FBN1: variants seen among roughly 807,000 people sequenced by gnomAD.
FBN1 encodes the protein fibrillin 1.
In FBN1, 29 loss-of-function variants were observed where a neutral mutation model predicts 365.1. The ratio of observed to expected loss-of-function variants is 0.08; its 90% CI spans 0.06 to 0.11. FBN1 has a LOEUF of 0.11. FBN1 is among the 10% of genes least tolerant of loss of function. The probability of loss-of-function intolerance (pLI) is 1.00; values close to 1 mark genes in which losing one functional copy is unlikely to be tolerated. For missense variants in FBN1, 2,476 were observed against 3,703.2 expected, an observed-to-expected ratio of 0.67 and a Z score of 8.60; for synonymous variants, 1,210 against 1,270.5, an observed-to-expected ratio of 0.95 and a Z score of 1.01.
intron 9 of FBN1, among the ~76,000 whole-genome samples, chr15:48,522,659 T>C (rs1022258025): frequency 6.6e-6 from 1 of 152,192 alleles, no homozygotes; most frequent in Non-Finnish European, 1.5e-5. Flanking sequence ...CCTCATGTCT[T>C]GAGGTTTCAA....
rs145082616 is a variant in FBN1 at position 48,448,836 on chromosome 15, G to A, written c.5603C>T (p.Thr1868Ile). The change falls in exon 46 of 66, where the codon ACA becomes ATA. Residue 1868 changes from threonine to isoleucine, a missense_variant. Coordinates refer to ENST00000316623, the MANE Select transcript of FBN1 (RefSeq NM_000138.5). The stretch of plus-strand genomic sequence containing the variant: ...GCAAAGGCAATAAAAGCTTCCAACT[G>A]TGTCAATGCACTGCCCATGACTGCA... Reference protein sequence around the residue: ...NICSHGQCIDTVGSFYCLCHT... With the variant: ...NICSHGQCIDIVGSFYCLCHT... The A allele has an allele frequency of 3.7e-6, 6 of 1,612,176 alleles. No individual in the cohort carries two copies. In the African/African-American group the frequency reaches 6.7e-5, roughly 18 times the overall value.
chr15:48,470,169 A>T (rs573204795), intron 36 of FBN1, among the ~76,000 whole-genome samples: 1 of 152,222 alleles, frequency 6.6e-6, no homozygotes, highest in African/African-American at 2.4e-5. Context: ...AATGATTTAT[A>T]CACTAGAGAT....
At chr15:48,569,216 A>G (rs2140669000) in intron 6 of FBN1, among the ~76,000 whole-genome samples, 1 of 152,246 alleles carries the variant, frequency 6.6e-6, no homozygotes, top group East Asian at 1.9e-4. Flanking sequence ...TAGGCACATG[A>G]AAAGATGTTC....
intron 2 of FBN1, among the ~76,000 whole-genome samples, chr15:48,625,317 A>G (rs1238316746): frequency 2.0e-5 from 3 of 152,188 alleles, no homozygotes; most frequent in Non-Finnish European, 2.9e-5. Context: ...ACAACTTAAA[A>G]TGTTGTTTCT....
At chr15:48,627,797 C>T (rs1161788974) in intron 2 of FBN1, among the ~76,000 whole-genome samples, 1 of 152,166 alleles carries the variant, frequency 6.6e-6, no homozygotes, top group East Asian at 1.9e-4. Flanking sequence ...GTGAGTGATG[C>T]CAGCACTGTC....
At chr15:48,468,643 A>ATT in intron 36 of FBN1, 109 bp from the exon 37 acceptor site, 1 of 1,047,710 alleles carries the variant, frequency 9.5e-7, no homozygotes, top group Non-Finnish European at 1.4e-6. Context: ...TTTTAAAGCT[A>ATT]CTAGTTATAA....
At chr15:48,514,836 G>A (rs950186733) in intron 12 of FBN1, among the ~76,000 whole-genome samples, 2 of 152,110 alleles carry the variant, frequency 1.3e-5, no homozygotes, top group African/African-American at 4.8e-5. Context: ...ACTTTAATAG[G>A]CAGAATAATG....
chr15:48,618,627 G>C (rs1321792650), intron 2 of FBN1, among the ~76,000 whole-genome samples: 2 of 152,078 alleles, frequency 1.3e-5, no homozygotes, highest in East Asian at 3.8e-4. Flanking sequence ...TCTAGACTGG[G>C]GTCCCCAACC....
At chr15:48,550,854 G>A (rs1406784857) in intron 6 of FBN1, among the ~76,000 whole-genome samples, 1 of 151,980 alleles carries the variant, frequency 6.6e-6, no homozygotes, top group Non-Finnish European at 1.5e-5. Context: ...TTATATGATT[G>A]TCTTTCATCA....
At chr15:48,498,751 A>G (rs1290285384) in intron 18 of FBN1, among the ~76,000 whole-genome samples, 1 of 152,140 alleles carries the variant, frequency 6.6e-6, no homozygotes, top group East Asian at 1.9e-4. Flanking sequence ...CTGAGAGAGC[A>G]CCTGACCCCC....
In FBN1 at chr15:48,610,787, C is replaced by G. The variant is rs794728291; in HGVS notation, c.287G>C (p.Arg96Thr). 6.2e-6 allele frequency: 10 copies of G among 1,613,976 alleles called. No individual in the cohort carries two copies. The highest frequency in any genetic ancestry group is 5.0e-5 in the Admixed American group (3 of 60,006). Reference protein sequence around the residue: ...RHSCGDGFCSRPNMCTCPSGQ... With the variant: ...RHSCGDGFCSTPNMCTCPSGQ... Reference sequence around the variant, plus strand: ...AGATGGGCAAGTGCACATATTTGGCCTCGAACAAAATCCATCCCCACAGGA... The same window carrying G: ...AGATGGGCAAGTGCACATATTTGGCGTCGAACAAAATCCATCCCCACAGGA... Residue 96 changes from arginine to threonine, a missense_variant, in exon 4 of 66, where the codon AGG becomes ACG. By Grantham distance (71) the Arg-to-Thr change is moderately conservative (BLOSUM62 -1). This residue lies in a region of FBN1 where 22 missense variants were observed against 64.1 expected (regional missense o/e 0.34). Transcript: ENST00000316623.
chr15:48,468,373 C>T, intron 37 of FBN1, 39 bp downstream of exon 37: 2 of 1,612,686 alleles, frequency 1.2e-6, no homozygotes, highest in Non-Finnish European at 8.5e-7. Flanking sequence ...AAATAATACA[C>T]AGTATGCTTG....
chr15:48,603,417 C>T (rs1041547155), intron 4 of FBN1, among the ~76,000 whole-genome samples: 7 of 152,068 alleles, frequency 4.6e-5, no homozygotes, highest in African/African-American at 1.2e-4. Flanking sequence ...TAAAGCATTC[C>T]GATAAAGGTG....
Position 48,625,119 on chromosome 15 carries a change from C to A in FBN1, c.165-12027G>T, listed in dbSNP as rs899821186. Among the ~76,000 whole-genome samples, 4 of 152,106 alleles carry A rather than the reference C, an allele frequency of 2.6e-5. No homozygotes were observed. In the South Asian group the frequency reaches 8.3e-4, roughly 32 times the overall value. ...ATACTTGAGTTCCGAATGCTGTCAG[C>A]CCCCAATTGACAAACAGGTAGAGCT... On this transcript the variant is annotated intron_variant, in intron 2 of 65. Transcript: ENST00000316623.
intron 21 of FBN1, 43 bp from the exon 22 acceptor site, chr15:48,495,303 T>G: frequency 1.2e-6 from 2 of 1,608,568 alleles, no homozygotes; most frequent in Non-Finnish European, 1.7e-6. Flanking sequence ...TATATAAAAA[T>G]TCAAACATAC....
intron 6 of FBN1, among the ~76,000 whole-genome samples, chr15:48,551,718 C>A (rs528788380): frequency 2.0e-5 from 3 of 152,202 alleles, no homozygotes; most frequent in African/African-American, 7.2e-5. Context: ...CTCCTCTATG[C>A]GTCCATCTGT....
At chr15:48,444,396 G>A in intron 49 of FBN1, 145 bp downstream of exon 49, 1 of 925,866 alleles carries the variant, frequency 1.1e-6, no homozygotes, top group South Asian at 1.3e-5. Flanking sequence ...CTTGCCAGAA[G>A]GATGAGACCA....
intron 19 of FBN1, 64 bp from the exon 20 acceptor site, chr15:48,496,289 C>G: frequency 6.2e-7 from 1 of 1,601,500 alleles, no homozygotes; most frequent in Non-Finnish European, 8.5e-7. Context: ...CTACTTTGCT[C>G]TTTTACATTA....
intron 6 of FBN1, among the ~76,000 whole-genome samples, chr15:48,575,802 T>TACACACACACACAC (rs58125518): frequency 2.9e-5 from 4 of 140,126 alleles, no homozygotes; most frequent in African/African-American, 8.0e-5. Flanking sequence ...AAATGTGAGA[T>TACACACACACACAC]ACACACACAC....
Sources: allele counts gnomAD v4.1 joint callset (sites outside exome capture counted in the v4.1 genomes callset), GRCh38; gene constraint gnomAD v4.1.1; regional missense constraint gnomAD v4.1.1; transcripts MANE v1.5; gene names NCBI Gene and HGNC (gene_info 2026-07-23, HGNC 2026-07-21).